The following PITPNC1 variants were observed in gnomAD, a reference collection of about 807,000 sequenced individuals.
PITPNC1 encodes cytoplasmic phosphatidylinositol transfer protein 1.
Under a neutral mutation model 44.7 loss-of-function variants are expected in PITPNC1, and 18 were observed. The ratio of observed to expected loss-of-function variants is 0.40; its 90% CI spans 0.28 to 0.60. PITPNC1 has a LOEUF of 0.60. Among genes scored for constraint, PITPNC1 ranks in the 20% least tolerant of loss-of-function variants. The probability of loss-of-function intolerance (pLI) is 0.39; values close to 1 mark genes in which losing one functional copy is unlikely to be tolerated. For synonymous variants in PITPNC1, 141 were observed against 149.6 expected (o/e 0.94, Z 0.42); for missense variants, 290 against 418.4 (o/e 0.69, Z 2.68).
intron 5 of PITPNC1, among the ~76,000 whole-genome samples, chr17:67,631,050 G>GTTATTATTA (rs201066540): frequency 3.7e-3 from 494 of 134,392 alleles, no homozygotes; most frequent in Middle Eastern, 0.011. Flanking sequence ...TGTTGTTGTT[G>GTTATTATTA]TTGTTATTAT....
intron 1 of PITPNC1, among the ~76,000 whole-genome samples, chr17:67,487,836 C>T (rs71382128): frequency 0.048 from 7,262 of 152,188 alleles, 231 homozygotes; most frequent in Middle Eastern, 0.11. Context: ...TTGGGATCAG[C>T]CTCCAGGGCC....
chr17:67,673,410 C>T (rs1043402658), intron 7 of PITPNC1, among the ~76,000 whole-genome samples: 1 of 152,168 alleles, frequency 6.6e-6, no homozygotes, highest in Admixed American at 6.5e-5. Context: ...CAGACACACA[C>T]ACACACACAA....
Position 67,378,208 on chromosome 17 carries a change from C to G in PITPNC1, c.48+6C>G. 1.3e-6 allele frequency: 2 copies of G among 1,526,602 alleles called. No individual in the cohort carries two copies. Among genetic ancestry groups the G allele is most frequent in the South Asian group, 2.4e-5 (2 of 81,940 alleles). The allele number at this position is 1,526,602 out of a possible 1,614,324, so 94.6% of individuals were successfully genotyped here. On this transcript the variant is annotated splice_donor_region_variant and intron_variant, in intron 1 of 8. Coordinates refer to ENST00000581322, the MANE Select transcript of PITPNC1 (RefSeq NM_012417.4). ...TGCCGCTCACCGTAGACGAGGTAAG[C>G]GCCGCGCCCGGCCCGGCCTCGCCCG... is the stretch of plus-strand genomic sequence containing the variant.
At chr17:67,562,776 C>T (rs1253900997) in intron 4 of PITPNC1, among the ~76,000 whole-genome samples, 1 of 152,090 alleles carries the variant, frequency 6.6e-6, no homozygotes, top group Non-Finnish European at 1.5e-5. Context: ...AGACATTTAC[C>T]TTTTTGAAAT....
chr17:67,446,923 C>T (rs1387297664), intron 1 of PITPNC1, among the ~76,000 whole-genome samples: 4 of 151,564 alleles, frequency 2.6e-5, no homozygotes, highest in Non-Finnish European at 5.9e-5. Flanking sequence ...AACCCCATCT[C>T]TACTAAAAAT....
chr17:67,501,194 G>A (rs1254893106), intron 1 of PITPNC1, among the ~76,000 whole-genome samples: 2 of 152,184 alleles, frequency 1.3e-5, no homozygotes, highest in Non-Finnish European at 2.9e-5. Flanking sequence ...CTAGAGGATA[G>A]CATTTCATGC....
intron 2 of PITPNC1, among the ~76,000 whole-genome samples, chr17:67,540,274 G>A (rs2040588940): frequency 1.3e-5 from 2 of 151,708 alleles, no homozygotes; most frequent in South Asian, 4.2e-4. Context: ...TGGCTAATTT[G>A]TGTATGTTTT....
intron 4 of PITPNC1, among the ~76,000 whole-genome samples, chr17:67,554,818 C>T (rs1264266354): frequency 6.6e-6 from 1 of 152,232 alleles, no homozygotes; most frequent in Non-Finnish European, 1.5e-5. Flanking sequence ...TTTTGCCACT[C>T]ACTGCCAGAA....
chr17:67,405,518 C>T (rs117441763), intron 1 of PITPNC1, among the ~76,000 whole-genome samples: 1,762 of 151,954 alleles, frequency 0.012, 16 homozygotes, highest in Middle Eastern at 0.037. Flanking sequence ...GGATATTGCA[C>T]GGGTATGAAT....
chr17:67,652,836 G>A (rs2042224011), intron 6 of PITPNC1, among the ~76,000 whole-genome samples: 1 of 149,774 alleles, frequency 6.7e-6, no homozygotes, highest in African/African-American at 2.5e-5. Flanking sequence ...TCTGACTCAT[G>A]TTATGGGTTT....
Position 67,379,047 on chromosome 17 carries a change from T to C in PITPNC1, c.48+845T>C, listed in dbSNP as rs1028253378. ...AGTATTCAGGAAGTGGTGACTCAGA[T>C]AGGATTATTCCGGCCCCGGCTTCCC... On this transcript the variant is annotated intron_variant, in intron 1 of 8. Coordinates refer to ENST00000581322, the MANE Select transcript of PITPNC1 (RefSeq NM_012417.4). 13 of 985,628 alleles carry C rather than the reference T, an allele frequency of 1.3e-5. No individual in the cohort carries two copies. The African/African-American group carries it at 2.3e-4, about 17-fold the overall frequency. 61.1% of individuals were successfully genotyped at this position (985,628 alleles called of 1,614,324 possible).
intron 1 of PITPNC1, among the ~76,000 whole-genome samples, chr17:67,405,843 G>C (rs964956189): frequency 3.9e-5 from 6 of 152,080 alleles, no homozygotes; most frequent in Non-Finnish European, 7.4e-5. Context: ...CTGAGCTCAG[G>C]TGATCCTCCC....
intron 1 of PITPNC1, among the ~76,000 whole-genome samples, chr17:67,489,278 G>T (rs563304363): frequency 1.5e-4 from 23 of 152,298 alleles, no homozygotes; most frequent in African/African-American, 4.1e-4. Context: ...TCACAGATGT[G>T]GTATGGAAGA....
rs368793763 is a variant in PITPNC1, at chr17:67,632,130, T to C, written c.367-13T>C. The C allele has an allele frequency of 4.5e-6, 7 of 1,569,640 alleles. No homozygotes were observed. The highest frequency in any genetic ancestry group is 6.1e-6 in the Non-Finnish European group (7 of 1,139,616). ...CTATCACTAACCTTTGATATGTTGC[T>C]CTGCTTTTTCAGATTTTCGACAATG... On this transcript the variant is annotated splice_polypyrimidine_tract_variant and intron_variant, in intron 5 of 8. Transcript: ENST00000581322.
At chr17:67,593,816 A>T (rs2041424823) in intron 5 of PITPNC1, among the ~76,000 whole-genome samples, 1 of 152,220 alleles carries the variant, frequency 6.6e-6, no homozygotes, top group Non-Finnish European at 1.5e-5. Context: ...TGTTAGCCTC[A>T]GTCACTGGCT....
intron 1 of PITPNC1, among the ~76,000 whole-genome samples, chr17:67,418,207 C>T (rs2038614689): frequency 6.6e-6 from 1 of 152,162 alleles, no homozygotes; most frequent in South Asian, 2.1e-4. Flanking sequence ...CTGCTTATTG[C>T]CTTGAGACTA....
At chr17:67,483,348 A>G (rs1431706484) in intron 1 of PITPNC1, among the ~76,000 whole-genome samples, 1 of 152,250 alleles carries the variant, frequency 6.6e-6, no homozygotes, top group Non-Finnish European at 1.5e-5. Flanking sequence ...TTCCAAAAGT[A>G]CAAGTAATCC....
intron 2 of PITPNC1, 60 bp from the exon 3 acceptor site, chr17:67,552,197 T>G (rs977977473): frequency 1.1e-5 from 9 of 829,816 alleles, no homozygotes; most frequent in Non-Finnish European, 2.1e-6. Context: ...CAGAAAGATG[T>G]GGTAGTGTGG....
At chr17:67,467,875 A>G (rs1292203412) in intron 1 of PITPNC1, among the ~76,000 whole-genome samples, 1 of 152,160 alleles carries the variant, frequency 6.6e-6, no homozygotes, top group Admixed American at 6.5e-5. Flanking sequence ...ATGGTCCCTA[A>G]TGTTTGTGTT....
Sources: gnomAD v4.1 joint callset for allele counts (sites outside exome capture counted in the v4.1 genomes callset) on GRCh38, gnomAD v4.1.1 for gene constraint, MANE v1.5 for transcripts, NCBI Gene and HGNC (gene_info 2026-07-23, HGNC 2026-07-21) for gene names.